PICK1: variants seen among roughly 807,000 people sequenced by gnomAD.
The protein encoded by PICK1 is protein interacting with PRKCA 1.
PICK1 carries 23 observed loss-of-function variants against 48.9 expected under a neutral mutation model. That is an observed-to-expected ratio of 0.47 (90% CI 0.34 to 0.67). PICK1 has a LOEUF of 0.67. PICK1 is among the 30% of genes least tolerant of loss of function. The pLI, the probability that PICK1 is intolerant of heterozygous loss-of-function variation, is 0.01. For missense variants in PICK1, 423 were observed against 557.1 expected (o/e 0.76, Z 2.42); for synonymous variants, 217 against 228.2 (o/e 0.95, Z 0.44).
chr22:38,058,187 T>G (rs1027818863), intron 2 of PICK1: 2 of 391,180 alleles, frequency 5.1e-6, no homozygotes, highest in African/African-American at 4.1e-5. Context: ...ATAGGAATAT[T>G]GTAGACACCC....
chr22:38,065,200 G>C, intron 4 of PICK1, 70 bp downstream of exon 4: 1 of 1,520,506 alleles, frequency 6.6e-7, no homozygotes, highest in African/African-American at 1.4e-5. Flanking sequence ...GGCTGCCAGA[G>C]GTCCCAGCAG....
At chr22:38,071,833 C>T (rs1363008091) in intron 8 of PICK1, 89 bp downstream of exon 8, 17 of 1,155,196 alleles carry the variant, frequency 1.5e-5, no homozygotes, top group Non-Finnish European at 2.2e-5. Flanking sequence ...ACCCACAGCG[C>T]CTGACCTCAG....
At chr22:38,062,980 G>T (rs1217084309) in intron 3 of PICK1, among the ~76,000 whole-genome samples, 4 of 152,134 alleles carry the variant, frequency 2.6e-5, no homozygotes, top group Non-Finnish European at 4.4e-5. Flanking sequence ...CCCTGGTGTT[G>T]GGAGGAGTCG....
Position 38,057,571 on chromosome 22 carries a change from GC to G in PICK1, c.-68del. 1.7e-6 allele frequency: 1 copy of G among 577,860 alleles called. No individual in the cohort carries two copies. Among genetic ancestry groups the G allele is most frequent in the Non-Finnish European group, 3.1e-6 (1 of 322,460 alleles). 35.8% of individuals were successfully genotyped at this position (577,860 alleles called of 1,614,324 possible). A position where few individuals can be genotyped will look rare whatever the true frequency, so the allele number is the denominator to read the frequency against. The stretch of plus-strand genomic sequence containing the variant: ...TCTGAGCCTATCGCCCTGGCCTGGA[GC>G]CCCCCTTTGTACCTAGTAAGAATCA... On this transcript the variant is annotated 5_prime_UTR_variant, in exon 1 of 13. Transcript: ENST00000356976.
At position 38,074,961 on chromosome 22, in the gene PICK1, C is replaced by T. The variant is rs1383248001; in HGVS notation, c.1077C>T (p.Pro359=). 1 of 1,613,666 alleles carries T rather than the reference C, an allele frequency of 6.2e-7. No individual in the cohort carries two copies. The highest frequency in any genetic ancestry group is 1.3e-5 in the African/African-American group (1 of 74,956). The change falls in exon 13 of 13, where the codon CCC becomes CCT. Residue 359 remains proline (P), a synonymous_variant. Coordinates refer to ENST00000356976, the MANE Select transcript of PICK1 (RefSeq NM_012407.4). This position sits in a 1 kb window ranked among gnomAD's most constrained non-coding sequence, Gnocchi z 4.5. ...YAVLRDADVF[P]IEVDLAHTTL... ...TGCTGCGGGATGCCGACGTCTTCCC[C>T]ATCGAGGTAGACCTGGCGCACACCA...
At chr22:38,064,667 A>T (rs1226969453) in intron 3 of PICK1, among the ~76,000 whole-genome samples, 2 of 152,202 alleles carry the variant, frequency 1.3e-5, no homozygotes. Flanking sequence ...AGGCTGAGGC[A>T]GGAGAATTGC....
chr22:38,064,146 T>C (rs953792868), intron 3 of PICK1, among the ~76,000 whole-genome samples: 4 of 151,874 alleles, frequency 2.6e-5, no homozygotes, highest in Non-Finnish European at 4.4e-5. Context: ...CAACCTCCAC[T>C]TCCCAGGTTC....
upstream of PICK1, chr22:38,057,348 A>C (rs572223333): frequency 4.6e-6 from 1 of 215,898 alleles, no homozygotes; most frequent in South Asian, 7.2e-5. Flanking sequence ...CAGGGATTGG[A>C]GCAAATATCC....
Position 38,059,303 on chromosome 22 carries a change from TGGA to T in PICK1, c.117_119del (p.Gly40del), listed in dbSNP as rs2085343830. On this transcript the variant is annotated inframe_deletion, in exon 3 of 13. Transcript: ENST00000356976. ...CTCAGAACCTGATCGGGATCAGCAT[TGGA>T]GGAGGGGCCCAGTACTGTCCCTGCC... 1 of 1,573,350 alleles carries T rather than the reference TGGA, an allele frequency of 6.4e-7. No homozygotes were observed. The highest frequency in any genetic ancestry group is 1.4e-5 in the African/African-American group (1 of 73,868).
chr22:38,068,676 A>T (rs776765867), intron 5 of PICK1, among the ~76,000 whole-genome samples: 1 of 151,966 alleles, frequency 6.6e-6, no homozygotes, highest in African/African-American at 2.4e-5. Flanking sequence ...CCTCCCCTTT[A>T]TGTGACACCC....
At chr22:38,072,904 C>T (rs560744557) in intron 9 of PICK1, 96 bp from the exon 10 acceptor site, 20 of 897,640 alleles carry the variant, frequency 2.2e-5, no homozygotes, top group African/African-American at 1.8e-4. Flanking sequence ...CTCTGATAGT[C>T]GAGTCCACCA....
At chr22:38,068,292 C>T (rs78753149) in intron 5 of PICK1, among the ~76,000 whole-genome samples, 4,074 of 152,312 alleles carry the variant, frequency 0.027, 186 homozygotes, top group African/African-American at 0.093. Context: ...GGCTGAGCCT[C>T]GGTTCTGTAG....
chr22:38,072,898 G>A (rs1488297710), intron 9 of PICK1, 102 bp from the exon 10 acceptor site: 1 of 885,436 alleles, frequency 1.1e-6, no homozygotes, highest in Non-Finnish European at 1.9e-6. Flanking sequence ...ATCTGGCTCT[G>A]ATAGTCGAGT....
At chr22:38,072,226 C>T (rs1327935764) in intron 8 of PICK1, among the ~76,000 whole-genome samples, 1 of 152,206 alleles carries the variant, frequency 6.6e-6, no homozygotes, top group East Asian at 1.9e-4. Context: ...GAATGAGGGC[C>T]AACTCCCTTG....
rs1490466050 is a variant in PICK1 at position 38,074,516 on chromosome 22, G to T, written c.979+65G>T. On this transcript the variant is annotated intron_variant, in intron 12 of 12. Coordinates refer to ENST00000356976, the MANE Select transcript of PICK1 (RefSeq NM_012407.4). The surrounding 1 kb of genome is among the most constrained non-coding windows in gnomAD (Gnocchi z 4.5). ...AGGTGGGAAAACTGAGGCCCAGAGGGGTACTCTCAGGGCCAGGCCACGGCC... is the reference window on the plus strand; with the variant it reads ...AGGTGGGAAAACTGAGGCCCAGAGGTGTACTCTCAGGGCCAGGCCACGGCC... 3 of 1,589,490 alleles carry T rather than the reference G, an allele frequency of 1.9e-6. No individual in the cohort carries two copies. Among genetic ancestry groups the T allele is most frequent in the East Asian group, 4.6e-5 (2 of 43,808 alleles).
At chr22:38,069,567 C>T (rs2085625057) in intron 6 of PICK1, among the ~76,000 whole-genome samples, 1 of 152,210 alleles carries the variant, frequency 6.6e-6, no homozygotes, top group African/African-American at 2.4e-5. Context: ...CACATGCGCA[C>T]ACACTTTCCC....
At chr22:38,061,410 C>T (rs1417032688) in intron 3 of PICK1, among the ~76,000 whole-genome samples, 1 of 152,030 alleles carries the variant, frequency 6.6e-6, no homozygotes, top group East Asian at 1.9e-4. Context: ...TATCAAAGTG[C>T]CATATGACTT....
intron 9 of PICK1, 74 bp downstream of exon 9, chr22:38,072,684 C>G (rs889687939): frequency 5.7e-6 from 9 of 1,581,702 alleles, no homozygotes; most frequent in Middle Eastern, 1.7e-4. Context: ...CAGAGAAGGT[C>G]GTATGCTGGA....
Position 38,075,020 on chromosome 22 carries a change from C to T in PICK1, c.1136C>T (p.Thr379Ile). 1 of 1,613,508 alleles carries T rather than the reference C, an allele frequency of 6.2e-7. No individual in the cohort carries two copies. Among genetic ancestry groups the T allele is most frequent in the South Asian group, 1.1e-5 (1 of 91,078 alleles). ...LAYGLNQEEF[T>I]DGEEEEEEED... ...TATGGCCTCAACCAGGAGGAGTTCA[C>T]AGATGGGGAGGAGGAGGAGGAGGAG... Residue 379 changes from threonine to isoleucine, a missense_variant, in exon 13 of 13, where the codon ACA (threonine) becomes ATA (isoleucine). This residue lies in a region of PICK1 where 144 missense variants were observed against 139.3 expected (regional missense o/e 1.03). Coordinates refer to ENST00000356976, the MANE Select transcript of PICK1 (RefSeq NM_012407.4).
Sources: allele counts gnomAD v4.1 joint callset (sites outside exome capture counted in the v4.1 genomes callset), GRCh38; gene constraint gnomAD v4.1.1; regional missense constraint gnomAD v4.1.1; non-coding constraint Gnocchi (gnomAD v3.1); transcripts MANE v1.5; gene names NCBI Gene and HGNC (gene_info 2026-07-23, HGNC 2026-07-21).